The following GRM3 variants were observed in gnomAD, a reference collection of about 807,000 sequenced individuals.
The protein encoded by GRM3 is metabotropic glutamate receptor 3.
In GRM3, 26 loss-of-function variants were observed where a neutral mutation model predicts 70.5. That is an observed-to-expected ratio of 0.37 (90% confidence interval 0.27 to 0.51). GRM3 has a LOEUF of 0.51. Among genes scored for constraint, GRM3 ranks in the 20% least tolerant of loss-of-function variants. The probability of loss-of-function intolerance (pLI) is 0.93; values close to 1 mark genes in which losing one functional copy is unlikely to be tolerated. For missense variants in GRM3, 859 were observed against 1,123.8 expected (o/e 0.76, Z 3.37); for synonymous variants, 443 against 434.9 (o/e 1.02, Z -0.23).
rs2116736553 is a variant in GRM3 at position 86,839,317 on chromosome 7, C to T, written c.1803C>T (p.His601=). Residue 601 remains histidine (H), a synonymous_variant, in exon 4 of 6, where the codon CAC becomes CAT. Coordinates refer to ENST00000361669, the MANE Select transcript of GRM3 (RefSeq NM_000840.3). The surrounding 1 kb of genome is among the most constrained non-coding windows in gnomAD (Gnocchi z 4.5). ...TCMVVTVFIK[H]NNTPLVKASG... ...TGGTTGTAACTGTTTTTATCAAGCACAACAACACACCCTTGGTCAAAGCAT... is the reference window on the plus strand; with the variant it reads ...TGGTTGTAACTGTTTTTATCAAGCATAACAACACACCCTTGGTCAAAGCAT... 1 of 1,613,850 alleles carries T rather than the reference C, an allele frequency of 6.2e-7. No individual in the cohort carries two copies. The highest frequency in any genetic ancestry group is 8.5e-7 in the Non-Finnish European group (1 of 1,179,758).
chr7:86,730,023 C>G (rs972122448), intron 1 of GRM3, among the ~76,000 whole-genome samples: 3 of 152,044 alleles, frequency 2.0e-5, no homozygotes, highest in African/African-American at 7.2e-5. Context: ...AGGAGAATAG[C>G]TTGAACCTGG....
chr7:86,737,719 C>A (rs930815730), intron 1 of GRM3, among the ~76,000 whole-genome samples: 3 of 152,108 alleles, frequency 2.0e-5, no homozygotes, highest in Non-Finnish European at 4.4e-5. Context: ...TATCAAGGGG[C>A]AGCTTTGCTA....
At chr7:86,665,561 G>A (rs917325286) in intron 1 of GRM3, among the ~76,000 whole-genome samples, 1 of 151,832 alleles carries the variant, frequency 6.6e-6, no homozygotes, top group Non-Finnish European at 1.5e-5. Flanking sequence ...AATCCCGTCT[G>A]CATGTTAATT....
Position 86,786,767 on chromosome 7 carries a change from G to A in GRM3, c.975G>A (p.Leu325=). Residue 325 remains leucine (L), a synonymous_variant, in exon 3 of 6, where the codon CTG becomes CTA. Coordinates refer to ENST00000361669, the MANE Select transcript of GRM3 (RefSeq NM_000840.3). This position sits in a 1 kb window ranked among gnomAD's most constrained non-coding sequence, Gnocchi z 6.0. ...CCTACGGCGCCATCACCCTGGAGCT[G>A]GCCTCCCAGCCTGTCCGCCAGTTCG... The part of the protein sequence containing the change: ...HVAYGAITLE[L]ASQPVRQFDR... The A allele has an allele frequency of 6.2e-7, 1 of 1,613,968 alleles. No individual in the cohort carries two copies. Among genetic ancestry groups the A allele is most frequent in the South Asian group, 1.1e-5 (1 of 91,078 alleles).
intron 3 of GRM3, among the ~76,000 whole-genome samples, chr7:86,824,049 G>C (rs1451713327): frequency 6.6e-6 from 1 of 152,156 alleles, no homozygotes; most frequent in African/African-American, 2.4e-5. Flanking sequence ...GAAGTGCAAA[G>C]GAGCGCATGA....
chr7:86,719,659 C>A (rs1795407868), intron 1 of GRM3, among the ~76,000 whole-genome samples: 2 of 152,114 alleles, frequency 1.3e-5, no homozygotes, highest in Middle Eastern at 3.4e-3. Context: ...TATGACATAG[C>A]ACTGACTATG....
chr7:86,644,977 G>A, intron 1 of GRM3, 105 bp downstream of exon 1: 1 of 468,320 alleles, frequency 2.1e-6, no homozygotes, highest in Non-Finnish European at 3.8e-6. Context: ...TTGAGGTAGA[G>A]CATGGACCAG....
At chr7:86,689,612 C>T (rs1274590722) in intron 1 of GRM3, among the ~76,000 whole-genome samples, 3 of 151,828 alleles carry the variant, frequency 2.0e-5, no homozygotes, top group Non-Finnish European at 2.9e-5. Context: ...CAGTTTGGGA[C>T]AGATGTACTA....
intron 2 of GRM3, among the ~76,000 whole-genome samples, chr7:86,774,035 G>A (rs973459204): frequency 6.6e-6 from 1 of 152,084 alleles, no homozygotes; most frequent in Non-Finnish European, 1.5e-5. Flanking sequence ...TAGCAGCAGT[G>A]TTTTATGCTA....
At position 86,758,648 on chromosome 7, in the gene GRM3, A is replaced by C. The variant is rs191557808; in HGVS notation, c.-140-6358A>C. ...TGAGTCACTCAACAAAGTGAATACTATTGATGGGAAGTAAATTACCAGCAT... is the reference window on the plus strand; with the variant it reads ...TGAGTCACTCAACAAAGTGAATACTCTTGATGGGAAGTAAATTACCAGCAT... On this transcript the variant is annotated intron_variant, in intron 1 of 5. Transcript: ENST00000361669. Among the ~76,000 whole-genome samples the C allele has an allele frequency of 7.8e-4, 119 of 152,282 alleles. No homozygotes were observed. The Middle Eastern group carries it at 0.02, about 26-fold the overall frequency.
intron 2 of GRM3, among the ~76,000 whole-genome samples, chr7:86,768,671 T>C (rs1796664445): frequency 6.6e-6 from 1 of 152,088 alleles, no homozygotes; most frequent in South Asian, 2.1e-4. Context: ...CAGAAAACTG[T>C]GGGAGACGTC....
At chr7:86,656,239 T>C (rs1793739790) in intron 1 of GRM3, among the ~76,000 whole-genome samples, 1 of 151,658 alleles carries the variant, frequency 6.6e-6, no homozygotes. Flanking sequence ...CCCAACCCAT[T>C]TTGTGACACT....
chr7:86,856,241 G>C (rs7792069), intron 5 of GRM3, among the ~76,000 whole-genome samples: 18,587 of 152,076 alleles, frequency 0.12, 1,464 homozygotes, highest in African/African-American at 0.23. Flanking sequence ...GTCAGCAGTT[G>C]AAGACCAGTG....
chr7:86,755,373 G>A (rs975950252), intron 1 of GRM3, among the ~76,000 whole-genome samples: 5 of 152,078 alleles, frequency 3.3e-5, no homozygotes, highest in Admixed American at 3.3e-4. Flanking sequence ...TCAAGTTATC[G>A]AAATGGGCAG....
At chr7:86,851,792 C>A (rs867306917) in intron 5 of GRM3, among the ~76,000 whole-genome samples, 4 of 152,104 alleles carry the variant, frequency 2.6e-5, no homozygotes, top group Non-Finnish European at 5.9e-5. Flanking sequence ...CATGGCAAAG[C>A]CTGTGAGGTC....
chr7:86,813,566 G>C (rs969798690), intron 3 of GRM3, among the ~76,000 whole-genome samples: 1 of 151,708 alleles, frequency 6.6e-6, no homozygotes, highest in African/African-American at 2.4e-5. Flanking sequence ...ATGCTAGCTT[G>C]GTTGAAATCA....
chr7:86,848,799 T>C (rs1237266845), intron 4 of GRM3, among the ~76,000 whole-genome samples: 1 of 152,146 alleles, frequency 6.6e-6, no homozygotes, highest in African/African-American at 2.4e-5. Context: ...ATAGAGCAAC[T>C]AGCCTTTTCC....
chr7:86,753,890 G>A (rs1386972359), intron 1 of GRM3, among the ~76,000 whole-genome samples: 2 of 151,982 alleles, frequency 1.3e-5, no homozygotes, highest in African/African-American at 2.4e-5. Context: ...CTCTCACCAC[G>A]GCCAATTTTA....
intron 1 of GRM3, among the ~76,000 whole-genome samples, chr7:86,645,998 TGGGGGGGTG>T (rs1562811261): frequency 3.1e-4 from 2 of 6,410 alleles, no homozygotes; most frequent in African/African-American, 5.6e-4. Context: ...GGGGTGGGGG[TGGGGGGGTG>T]GGGGGGGGTG....
Sources: gnomAD v4.1 joint callset for allele counts (sites outside exome capture counted in the v4.1 genomes callset) on GRCh38, gnomAD v4.1.1 for gene constraint, Gnocchi (gnomAD v3.1) non-coding constraint, MANE v1.5 for transcripts, NCBI Gene and HGNC (gene_info 2026-07-23, HGNC 2026-07-21) for gene names.